The following DOCK4 variants were observed in gnomAD, a reference collection of about 807,000 sequenced individuals.
DOCK4 encodes the protein dedicator of cytokinesis protein 4.
In DOCK4, 97 loss-of-function variants were observed where a neutral mutation model predicts 268.1. That is an observed-to-expected ratio of 0.36 (90% CI 0.31 to 0.43). The LOEUF (loss-of-function observed/expected upper bound fraction) is 0.43, where lower values mean the gene tolerates loss of function less well. DOCK4 is among the 20% of genes least tolerant of loss of function. The probability of loss-of-function intolerance (pLI) is 1.00; values close to 1 mark genes in which losing one functional copy is unlikely to be tolerated. For synonymous variants in DOCK4, 954 were observed against 887.2 expected, an observed-to-expected ratio of 1.08 and a Z score of -1.34; for missense variants, 2,145 against 2,455.7, an observed-to-expected ratio of 0.87 and a Z score of 2.67.
In DOCK4 at chr7:111,726,454, C is replaced by A. The variant is rs985083822; in HGVS notation, c.*1820G>T. On this transcript the variant is annotated 3_prime_UTR_variant, in exon 53 of 53. Coordinates refer to ENST00000428084, the MANE Select transcript of DOCK4 (RefSeq NM_001363540.2). ...AAAGCAACAGAAATATGGAGCTTCA[C>A]ATATATATGTATATATATATGAATG... 1 of 152,182 alleles carries A rather than the reference C, an allele frequency of 6.6e-6. No individual in the cohort carries two copies. Among genetic ancestry groups the A allele is most frequent in the Admixed American group, 6.5e-5 (1 of 15,274 alleles). 9.4% of individuals were successfully genotyped at this position (152,182 alleles called of 1,614,324 possible). A position where few individuals can be genotyped will look rare whatever the true frequency, so the allele number is the denominator to read the frequency against.
At chr7:112,029,296 C>T (rs983940731) in intron 1 of DOCK4, among the ~76,000 whole-genome samples, 3 of 151,968 alleles carry the variant, frequency 2.0e-5, no homozygotes, top group African/African-American at 7.3e-5. Context: ...CTCTTCACAC[C>T]CCAGCATATC....
chr7:111,823,106 C>A (rs1166507393), intron 26 of DOCK4, among the ~76,000 whole-genome samples: 1 of 151,882 alleles, frequency 6.6e-6, no homozygotes, highest in Non-Finnish European at 1.5e-5. Flanking sequence ...ACAAAGATGC[C>A]ATGCGAGATG....
At chr7:111,876,914 G>T in intron 17 of DOCK4, 116 bp downstream of exon 17, 1 of 992,814 alleles carries the variant, frequency 1.0e-6, no homozygotes. Flanking sequence ...ACAAATGGAA[G>T]GATCAATAAT....
At chr7:111,996,525 G>A (rs1398522403) in intron 4 of DOCK4, among the ~76,000 whole-genome samples, 24 of 152,152 alleles carry the variant, frequency 1.6e-4, no homozygotes, top group Admixed American at 1.6e-3. Flanking sequence ...GCAATTACCT[G>A]GCAATACATG....
At chr7:111,956,481 C>T (rs2134933609) in intron 8 of DOCK4, among the ~76,000 whole-genome samples, 1 of 152,274 alleles carries the variant, frequency 6.6e-6, no homozygotes, top group East Asian at 1.9e-4. Flanking sequence ...CCCCAATTCA[C>T]TCTGCCAAAG....
intron 1 of DOCK4, among the ~76,000 whole-genome samples, chr7:112,067,798 G>A (rs764080304): frequency 4.6e-5 from 7 of 152,270 alleles, no homozygotes; most frequent in East Asian, 1.9e-4. Flanking sequence ...CCCAGGAAAC[G>A]TTTCAATGCT....
intron 1 of DOCK4, among the ~76,000 whole-genome samples, chr7:112,065,879 A>T (rs1351634013): frequency 1.3e-5 from 2 of 152,200 alleles, no homozygotes; most frequent in African/African-American, 4.8e-5. Flanking sequence ...ATGTAATGCC[A>T]GACATCCAAA....
chr7:111,760,828 G>T lies in DOCK4; in HGVS notation c.4021-506C>A, dbSNP rs186756636. Among the ~76,000 whole-genome samples, 4 of 149,938 alleles carry T rather than the reference G, an allele frequency of 2.7e-5. No homozygotes were observed. In the Admixed American group the frequency reaches 2.7e-4, roughly 10 times the overall value. ...TCTCCTTCAGTTAAGAATGGTGAAGGTTATTTCTGAGGTAGGTTAAGACAG... is the reference window on the plus strand; with the variant it reads ...TCTCCTTCAGTTAAGAATGGTGAAGTTTATTTCTGAGGTAGGTTAAGACAG... On this transcript the variant is annotated intron_variant, in intron 39 of 52. Coordinates refer to ENST00000428084, the MANE Select transcript of DOCK4 (RefSeq NM_001363540.2).
intron 30 of DOCK4, chr7:111,808,518 A>T (rs934540315): frequency 3.0e-5 from 8 of 270,502 alleles, no homozygotes; most frequent in African/African-American, 1.3e-4. Context: ...ACAGTTCCAA[A>T]TTCTGAAAGG....
chr7:112,178,255 T>A (rs1294505048), intron 1 of DOCK4, among the ~76,000 whole-genome samples: 1 of 152,242 alleles, frequency 6.6e-6, no homozygotes, highest in African/African-American at 2.4e-5. Context: ...TCACTCATTT[T>A]GTACTTCTGA....
chr7:112,023,140 G>A (rs1231423623), intron 1 of DOCK4, among the ~76,000 whole-genome samples: 1 of 152,114 alleles, frequency 6.6e-6, no homozygotes, highest in Non-Finnish European at 1.5e-5. Context: ...TGCTGGCCAG[G>A]CTGGTCTTGA....
intron 1 of DOCK4, among the ~76,000 whole-genome samples, chr7:112,041,036 T>C (rs1197450792): frequency 6.6e-6 from 1 of 152,102 alleles, no homozygotes; most frequent in African/African-American, 2.4e-5. Context: ...GGTAAGACAA[T>C]GATAACATAT....
chr7:111,830,124 A>G (rs995354839), intron 26 of DOCK4, among the ~76,000 whole-genome samples: 3 of 152,252 alleles, frequency 2.0e-5, no homozygotes, highest in African/African-American at 7.2e-5. Flanking sequence ...GGAAACATTT[A>G]TTAATATCTT....
chr7:111,790,026 C>T (rs1173701849), intron 31 of DOCK4, among the ~76,000 whole-genome samples: 2 of 152,096 alleles, frequency 1.3e-5, no homozygotes, highest in East Asian at 1.9e-4. Flanking sequence ...AATTAATTCT[C>T]AATGCTTCAA....
chr7:111,986,485 C>T (rs1040746507), intron 6 of DOCK4, among the ~76,000 whole-genome samples: 3 of 151,986 alleles, frequency 2.0e-5, no homozygotes, highest in African/African-American at 7.3e-5. Flanking sequence ...TTTCCTAGCC[C>T]ACAGAGTAGA....
intron 26 of DOCK4, among the ~76,000 whole-genome samples, chr7:111,824,566 T>C (rs1395289935): frequency 6.6e-6 from 1 of 152,040 alleles, no homozygotes; most frequent in Non-Finnish European, 1.5e-5. Context: ...AGTGGTGGTG[T>C]GTATGTATGT....
At position 111,976,269 on chromosome 7, in the gene DOCK4, TTATATATATATATA is replaced by T. The variant is rs60146972; in HGVS notation, c.701+849_701+862del. 7.2e-3 allele frequency among the ~76,000 whole-genome samples: 237 copies of T among 33,102 alleles called. 1 individual carries two copies. The highest frequency in any genetic ancestry group is 0.02 in the African/African-American group (166 of 8,330). The allele number at this position is 33,102 out of a possible 152,430, so 21.7% of individuals were successfully genotyped here. A position where few individuals can be genotyped will look rare whatever the true frequency, so the allele number is the denominator to read the frequency against. ...GTATATATATGTGTATGTGTGTCTA[TTATATATATATATA>T]TATATATATATATATATATATATAT... On this transcript the variant is annotated intron_variant, in intron 8 of 52. Transcript: ENST00000428084.
At chr7:112,083,769 A>C (rs1197600759) in intron 1 of DOCK4, among the ~76,000 whole-genome samples, 1 of 152,168 alleles carries the variant, frequency 6.6e-6, no homozygotes, top group Admixed American at 6.6e-5. Flanking sequence ...TAATAACTAC[A>C]TATAGTATGG....
At chr7:111,937,483 T>C (rs923545255) in intron 11 of DOCK4, among the ~76,000 whole-genome samples, 5 of 152,072 alleles carry the variant, frequency 3.3e-5, no homozygotes, top group Non-Finnish European at 7.4e-5. Context: ...TCTTCATGAG[T>C]GTGACTGTCT....
Sources: allele counts gnomAD v4.1 joint callset (sites outside exome capture counted in the v4.1 genomes callset), GRCh38; gene constraint gnomAD v4.1.1; transcripts MANE v1.5; gene names NCBI Gene and HGNC (gene_info 2026-07-23, HGNC 2026-07-21).